ATP2B2: variants seen among roughly 807,000 people sequenced by gnomAD.
ATP2B2 encodes the protein ATPase plasma membrane Ca2+ transporting 2, also known as plasma membrane calcium-transporting ATPase 2.
A neutral mutation model predicts 120.0 loss-of-function variants in ATP2B2; 15 were observed. The ratio of observed to expected loss-of-function variants is 0.12; its 90% CI spans 0.08 to 0.19. The LOEUF (loss-of-function observed/expected upper bound fraction) is 0.19. Ranked by LOEUF, ATP2B2 falls within the 10% of genes least tolerant of loss-of-function variation. The probability of loss-of-function intolerance (pLI) is 1.00; values close to 1 mark genes in which losing one functional copy is unlikely to be tolerated. For synonymous variants in ATP2B2, 694 were observed against 700.3 expected (o/e 0.99, Z 0.14); for missense variants, 1,045 against 1,719.8 (o/e 0.61, Z 6.94).
At chr3:10,363,548 T>C (rs574512420) in intron 12 of ATP2B2, among the ~76,000 whole-genome samples, 1 of 152,292 alleles carries the variant, frequency 6.6e-6, no homozygotes, top group South Asian at 2.1e-4. Context: ...GGTCGTACCT[T>C]TGAGAGGACA....
intron 5 of ATP2B2, among the ~76,000 whole-genome samples, chr3:10,398,277 C>T (rs1386599050): frequency 2.6e-5 from 4 of 152,324 alleles, no homozygotes; most frequent in Non-Finnish European, 4.4e-5. Context: ...TCCCGCATGC[C>T]CCTCTCCTTC....
chr3:10,379,787 C>CAGAGAG (rs35701693), intron 8 of ATP2B2, among the ~76,000 whole-genome samples: 1 of 151,606 alleles, frequency 6.6e-6, no homozygotes, highest in Non-Finnish European at 1.5e-5. Context: ...GAAAGAGAGA[C>CAGAGAG]AGAGAGAGAG....
rs963818719 is a variant in ATP2B2 at position 10,359,066 on chromosome 3, T to C, written c.1902-141A>G. 4 of 831,790 alleles carry C rather than the reference T, an allele frequency of 4.8e-6. No homozygotes were observed. The African/African-American group carries it at 5.1e-5, about 11-fold the overall frequency. 51.5% of individuals were successfully genotyped at this position (831,790 alleles called of 1,614,324 possible). A position where few individuals can be genotyped will look rare whatever the true frequency, so the allele number is the denominator to read the frequency against. On this transcript the variant is annotated intron_variant, in intron 13 of 22. Transcript: ENST00000360273. ...CATCTAGTTCATCCCCCAGGCAGGG[T>C]GAAATCAAGCATTCGTCCTGCAATT...
At chr3:10,565,008 A>G (rs2067981061) in intron 2 of ATP2B2, among the ~76,000 whole-genome samples, 3 of 152,158 alleles carry the variant, frequency 2.0e-5, no homozygotes, top group Admixed American at 2.0e-4. Context: ...AATATGTGTC[A>G]CTTCTAGGAC....
intron 1 of ATP2B2, among the ~76,000 whole-genome samples, chr3:10,483,139 G>A (rs769894331): frequency 1.6e-4 from 24 of 152,238 alleles, no homozygotes; most frequent in Non-Finnish European, 2.9e-4. Context: ...CCTGGTGAGG[G>A]TAATGTCGGG....
At chr3:10,692,084 C>G (rs568358437) in intron 1 of ATP2B2, among the ~76,000 whole-genome samples, 6 of 151,204 alleles carry the variant, frequency 4.0e-5, no homozygotes, top group African/African-American at 1.5e-4. Context: ...TATATTAAAT[C>G]AGAGAGAGAG....
chr3:10,649,324 A>C (rs1039069271), intron 1 of ATP2B2, among the ~76,000 whole-genome samples: 1 of 152,232 alleles, frequency 6.6e-6, no homozygotes, highest in African/African-American at 2.4e-5. Context: ...CAGTCACAGA[A>C]TATTTCATCA....
At chr3:10,334,562 C>T (rs1197941093) in intron 22 of ATP2B2, among the ~76,000 whole-genome samples, 4 of 152,174 alleles carry the variant, frequency 2.6e-5, no homozygotes, top group African/African-American at 4.8e-5. Context: ...GACGGTATCT[C>T]ATGGAAATGT....
At chr3:10,379,552 T>G (rs753705788) in intron 8 of ATP2B2, among the ~76,000 whole-genome samples, 94 of 152,072 alleles carry the variant, frequency 6.2e-4, no homozygotes, top group Admixed American at 1.0e-3. Context: ...CTTTTGGCCT[T>G]GAGCGTGTTA....
At chr3:10,639,313 T>C (rs1370958547) in intron 1 of ATP2B2, among the ~76,000 whole-genome samples, 3 of 152,166 alleles carry the variant, frequency 2.0e-5, no homozygotes, top group Admixed American at 1.3e-4. Context: ...CTGGCTACTA[T>C]AACAAAATAC....
intron 5 of ATP2B2, among the ~76,000 whole-genome samples, chr3:10,393,932 G>A (rs1162212257): frequency 6.6e-5 from 10 of 152,174 alleles, no homozygotes; most frequent in South Asian, 2.1e-4. Flanking sequence ...TGGCAGTCTC[G>A]GAGTCAAAGC....
At chr3:10,379,358 G>C in intron 8 of ATP2B2, 74 bp from the exon 9 acceptor site, 1 of 1,495,490 alleles carries the variant, frequency 6.7e-7, no homozygotes, top group South Asian at 1.1e-5. Context: ...GACGCAACAG[G>C]CCACAGACAT....
chr3:10,338,695 C>T, intron 21 of ATP2B2: 1 of 357,498 alleles, frequency 2.8e-6, no homozygotes, highest in South Asian at 2.4e-5. Context: ...AACCCTGGTC[C>T]TGTGGCCTCG....
At chr3:10,421,185 G>T (rs1285508911) in intron 2 of ATP2B2, among the ~76,000 whole-genome samples, 2 of 152,204 alleles carry the variant, frequency 1.3e-5, no homozygotes, top group Non-Finnish European at 2.9e-5. Context: ...CCTAATACTT[G>T]CCAGGTGCTT....
intron 1 of ATP2B2, among the ~76,000 whole-genome samples, chr3:10,458,232 T>A (rs2125224628): frequency 6.6e-6 from 1 of 152,272 alleles, no homozygotes; most frequent in Non-Finnish European, 1.5e-5. Context: ...GCACTGGGAC[T>A]ATGAGGAGAG....
chr3:10,414,417 G>T (rs678536), intron 2 of ATP2B2, among the ~76,000 whole-genome samples: 1 of 151,848 alleles, frequency 6.6e-6, no homozygotes, highest in Non-Finnish European at 1.5e-5. Flanking sequence ...GAATAGGTGT[G>T]GGGGTTGGGT....
Position 10,324,665 on chromosome 3 carries a change from CAGGTAGCGCAAGAGTGGGCT to C in ATP2B2, c.*4129_*4148del, listed in dbSNP as rs1559508605. 1 of 152,232 alleles carries C rather than the reference CAGGTAGCGCAAGAGTGGGCT, an allele frequency of 6.6e-6. No individual in the cohort carries two copies. The highest frequency in any genetic ancestry group is 2.4e-5 in the African/African-American group (1 of 41,446). 9.4% of individuals were successfully genotyped at this position (152,232 alleles called of 1,614,324 possible). ...AATGCACCAGGTTGGCAGCCTCCTG[CAGGTAGCGCAAGAGTGGGCT>C]AGGGGAGTGAGGGTTCCGAGAAGGC... On this transcript the variant is annotated 3_prime_UTR_variant, in exon 23 of 23. Transcript: ENST00000360273.
intron 15 of ATP2B2, 61 bp downstream of exon 15, chr3:10,350,337 C>G: frequency 6.2e-7 from 1 of 1,610,482 alleles, no homozygotes; most frequent in Non-Finnish European, 8.5e-7. Context: ...ATGCAGCACC[C>G]TACCTCCCAG....
At chr3:10,625,746 G>T (rs2069680617) in intron 1 of ATP2B2, among the ~76,000 whole-genome samples, 1 of 152,054 alleles carries the variant, frequency 6.6e-6, no homozygotes, top group South Asian at 2.1e-4. Flanking sequence ...CCCTCCCATT[G>T]CCACCCAAGG....
Sources: allele counts gnomAD v4.1 joint callset (sites outside exome capture counted in the v4.1 genomes callset), GRCh38; gene constraint gnomAD v4.1.1; transcripts MANE v1.5; gene names NCBI Gene and HGNC (gene_info 2026-07-23, HGNC 2026-07-21).